CACNA1C: variants seen among roughly 807,000 people sequenced by gnomAD.
CACNA1C encodes the protein voltage-dependent L-type calcium channel subunit alpha-1C.
Under a neutral mutation model 229.0 loss-of-function variants are expected in CACNA1C, and 30 were observed. The ratio of observed to expected loss-of-function variants is 0.13; its 90% confidence interval spans 0.10 to 0.18. The LOEUF (loss-of-function observed/expected upper bound fraction) is 0.18. CACNA1C is among the 10% of genes least tolerant of loss of function. The probability of loss-of-function intolerance (pLI) is 1.00; values close to 1 mark genes in which losing one functional copy is unlikely to be tolerated. For missense variants in CACNA1C, 1,658 were observed against 2,845.0 expected (o/e 0.58, Z 9.49); for synonymous variants, 1,114 against 1,132.5 (o/e 0.98, Z 0.33).
chr12:2,447,898 G>A (rs970418205), intron 3 of CACNA1C, among the ~76,000 whole-genome samples: 7 of 152,244 alleles, frequency 4.6e-5, no homozygotes, highest in African/African-American at 1.7e-4. Flanking sequence ...TTGGGGCTGT[G>A]GACAGGCCCG....
chr12:2,140,967 C>T (rs1260672312), intron 3 of CACNA1C, among the ~76,000 whole-genome samples: 1 of 151,084 alleles, frequency 6.6e-6, no homozygotes, highest in East Asian at 1.9e-4. Flanking sequence ...AGGGTAAGGG[C>T]CCACCTGGAG....
rs1603298227 is a variant in CACNA1C at position 2,647,173 on chromosome 12, G to C, written c.3913-1302G>C. 6.6e-6 allele frequency among the ~76,000 whole-genome samples: 1 copy of C among 152,302 alleles called. No individual in the cohort carries two copies. Among genetic ancestry groups the C allele is most frequent in the East Asian group, 1.9e-4 (1 of 5,186 alleles). On this transcript the variant is annotated intron_variant, in intron 30 of 46. Transcript: ENST00000399655. The surrounding 1 kb of genome is among the most constrained non-coding windows in gnomAD (Gnocchi z 4.2). ...ATTCCATAACACATTTTCCTTGTTTGTACCTTAAAAACAGAAATACAAGAG... is the reference window on the plus strand; with the variant it reads ...ATTCCATAACACATTTTCCTTGTTTCTACCTTAAAAACAGAAATACAAGAG...
chr12:2,675,345 A>C (rs757111858), intron 39 of CACNA1C, among the ~76,000 whole-genome samples: 67 of 152,332 alleles, frequency 4.4e-4, no homozygotes, highest in Middle Eastern at 3.4e-3. Flanking sequence ...CACTTACAAC[A>C]CATACGGCTG....
chr12:2,115,257 C>T lies in CACNA1C; in HGVS notation c.83C>T (p.Ala28Val). ...TATGGGAGCCCACGCCCCGCCCATG[C>T]CAACATGAATGCCAATGCGGCAGCG... ...SNYGSPRPAH[A>V]NMNANAAAGL... Residue 28 changes from alanine (A) to valine (V), a missense_variant, in exon 2 of 47, where the codon GCC (alanine) becomes GTC (valine). Ala to Val is a moderately conservative substitution (Grantham distance 64, BLOSUM62 0). This residue lies in a region of CACNA1C where 111 missense variants were observed against 128.0 expected (regional missense o/e 0.87). Coordinates refer to ENST00000399655, the MANE Select transcript of CACNA1C (RefSeq NM_000719.7). The T allele has an allele frequency of 6.3e-7, 1 of 1,590,502 alleles. No individual in the cohort carries two copies. The highest frequency in any genetic ancestry group is 8.6e-7 in the Non-Finnish European group (1 of 1,167,132).
At chr12:2,439,034 C>T (rs2099188088) in intron 3 of CACNA1C, among the ~76,000 whole-genome samples, 1 of 152,346 alleles carries the variant, frequency 6.6e-6, no homozygotes, top group Admixed American at 6.5e-5. Flanking sequence ...ACCCTCTCCA[C>T]TCCATTGCCC....
chr12:2,118,533 T>C lies in CACNA1C; in HGVS notation c.372-1792T>C, dbSNP rs138426214. Among the ~76,000 whole-genome samples, 25 of 152,366 alleles carry C rather than the reference T, an allele frequency of 1.6e-4. No homozygotes were observed. The East Asian group carries it at 3.1e-3, about 19-fold the overall frequency. Reference sequence around the variant, plus strand: ...CCATCCTACTACTTGCTCTGTGACCTGGCACAAGTTAACGTCTGACCCTTC... The same window carrying C: ...CCATCCTACTACTTGCTCTGTGACCCGGCACAAGTTAACGTCTGACCCTTC... On this transcript the variant is annotated intron_variant, in intron 2 of 46. Transcript: ENST00000399655.
In CACNA1C at chr12:2,360,311, G is replaced by A. The variant is rs144671013; in HGVS notation, c.478-88665G>A. 3.3e-3 allele frequency among the ~76,000 whole-genome samples: 499 copies of A among 152,136 alleles called. 7 individuals carry two copies. Among genetic ancestry groups the A allele is most frequent in the South Asian group, 5.8e-3 (28 of 4,812 alleles). The stretch of plus-strand genomic sequence containing the variant: ...CTCAGGTTGCTGCCTGCAGCATCCC[G>A]CTAGATCTTCCACTGCCCGGGAGCT... On this transcript the variant is annotated intron_variant, in intron 3 of 46. Transcript: ENST00000399655.
intron 1 of CACNA1C, chr12:2,020,445 T>C (rs1302273178): frequency 6.6e-6 from 1 of 152,204 alleles, no homozygotes; most frequent in Non-Finnish European, 1.5e-5. Flanking sequence ...TCTCATGTCA[T>C]GTAATCAGCA....
chr12:2,423,484 C>G (rs757025212), intron 3 of CACNA1C, among the ~76,000 whole-genome samples: 1 of 152,134 alleles, frequency 6.6e-6, no homozygotes, highest in Non-Finnish European at 1.5e-5. Flanking sequence ...ATACTTACAT[C>G]ATAATGATGT....
chr12:2,333,555 G>A (rs896958322), intron 3 of CACNA1C, among the ~76,000 whole-genome samples: 3 of 152,252 alleles, frequency 2.0e-5, no homozygotes, highest in Admixed American at 6.5e-5. Flanking sequence ...TAGGAAGCAT[G>A]ACCGCGCCAT....
At chr12:2,077,033 G>C (rs1290136956) in intron 1 of CACNA1C, among the ~76,000 whole-genome samples, 1 of 152,230 alleles carries the variant, frequency 6.6e-6, no homozygotes, top group Admixed American at 6.5e-5. Context: ...CAATGAGGTC[G>C]AGCAACATTC....
intron 38 of CACNA1C, among the ~76,000 whole-genome samples, chr12:2,669,581 C>T (rs574406796): frequency 3.3e-5 from 5 of 152,162 alleles, no homozygotes; most frequent in African/African-American, 1.2e-4. Flanking sequence ...GAAGCAGGAC[C>T]AACCCCTGTC....
At chr12:2,303,160 C>G (rs1313955705) in intron 3 of CACNA1C, among the ~76,000 whole-genome samples, 3 of 152,220 alleles carry the variant, frequency 2.0e-5, no homozygotes, top group African/African-American at 7.2e-5. Flanking sequence ...ATGTGGCTTC[C>G]GGTCACAAAA....
chr12:2,119,839 TTAAAAA>T (rs1265441913), intron 2 of CACNA1C, among the ~76,000 whole-genome samples: 1 of 152,196 alleles, frequency 6.6e-6, no homozygotes, highest in African/African-American at 2.4e-5. Flanking sequence ...GTTTAAAAGA[TTAAAAA>T]TAAAATCTCC....
chr12:2,651,495 C>G lies in CACNA1C; in HGVS notation c.3946-145C>G. 8.1e-7 allele frequency: 1 copy of G among 1,239,516 alleles called. No homozygotes were observed. The allele number at this position is 1,239,516 out of a possible 1,614,324, so 76.8% of individuals were successfully genotyped here. ...ACTCATTAAAGTGGGCGGCCGCCCT[C>G]CCATCGGAGGGGGAAGTCTAGTGCA... is the stretch of plus-strand genomic sequence containing the variant. On this transcript the variant is annotated intron_variant, in intron 31 of 46. Coordinates refer to ENST00000399655, the MANE Select transcript of CACNA1C (RefSeq NM_000719.7). This position sits in a 1 kb window ranked among gnomAD's most constrained non-coding sequence, Gnocchi z 5.4.
intron 3 of CACNA1C, among the ~76,000 whole-genome samples, chr12:2,393,567 C>T (rs1048403500): frequency 6.6e-6 from 1 of 152,202 alleles, no homozygotes; most frequent in Non-Finnish European, 1.5e-5. Context: ...TAGAACTTCT[C>T]CGAGCCTCTG....
intron 10 of CACNA1C, among the ~76,000 whole-genome samples, chr12:2,553,640 G>A (rs375633109): frequency 1.4e-4 from 22 of 152,362 alleles, no homozygotes; most frequent in African/African-American, 2.6e-4. Context: ...AGACAGCGGC[G>A]TGTCCCAGGG....
chr12:2,128,788 G>T (rs1327306987), intron 3 of CACNA1C, among the ~76,000 whole-genome samples: 1 of 152,208 alleles, frequency 6.6e-6, no homozygotes, highest in East Asian at 1.9e-4. Flanking sequence ...TTCACACCAT[G>T]TGCAGATGCT....
chr12:2,313,887 C>T (rs1166557638), intron 3 of CACNA1C, among the ~76,000 whole-genome samples: 1 of 152,188 alleles, frequency 6.6e-6, no homozygotes, highest in Non-Finnish European at 1.5e-5. Context: ...GCCTCCCTGT[C>T]TGAGCAGGAA....
Sources: gnomAD v4.1 joint callset for allele counts (sites outside exome capture counted in the v4.1 genomes callset) on GRCh38, gnomAD v4.1.1 for gene constraint, gnomAD v4.1.1 regional missense constraint, Gnocchi (gnomAD v3.1) non-coding constraint, MANE v1.5 for transcripts, NCBI Gene and HGNC (gene_info 2026-07-23, HGNC 2026-07-21) for gene names.